ESRRB: variants seen among roughly 807,000 people sequenced by gnomAD.
ESRRB encodes the protein estrogen related receptor beta, also known as steroid hormone receptor ERR2.
A neutral mutation model predicts 46.0 loss-of-function variants in ESRRB; 16 were observed. The ratio of observed to expected loss-of-function variants is 0.35; its 90% CI spans 0.24 to 0.53. ESRRB has a LOEUF of 0.53. Among genes scored for constraint, ESRRB ranks in the 20% least tolerant of loss-of-function variants. The pLI is 0.93. For synonymous variants in ESRRB, 246 were observed against 259.6 expected, an observed-to-expected ratio of 0.95 and a Z score of 0.50; for missense variants, 488 against 607.4, an observed-to-expected ratio of 0.80 and a Z score of 2.07.
intron 3 of ESRRB, among the ~76,000 whole-genome samples, chr14:76,473,695 A>G (rs558522327): frequency 1.1e-4 from 16 of 152,334 alleles, no homozygotes; most frequent in African/African-American, 3.6e-4. Context: ...AGAAGAAAGG[A>G]GGGAGGTGGA....
chr14:76,487,273 G>A (rs1366887341), intron 5 of ESRRB, among the ~76,000 whole-genome samples: 1 of 152,170 alleles, frequency 6.6e-6, no homozygotes, highest in Admixed American at 6.5e-5. Context: ...GGTGAGTGCT[G>A]TTATGATTTC....
chr14:76,452,699 T>C (rs1314023496), intron 2 of ESRRB, among the ~76,000 whole-genome samples: 1 of 151,402 alleles, frequency 6.6e-6, no homozygotes, highest in Non-Finnish European at 1.5e-5. Context: ...GACTGGATTG[T>C]GGATGCTAAG....
rs1328355609 is a variant in ESRRB, at chr14:76,500,657, A to G, written c.*2199A>G. On this transcript the variant is annotated 3_prime_UTR_variant, in exon 7 of 7. Transcript: ENST00000644823. ...AGCTGGAGGACCCAGGCGGCAGGGC[A>G]TCATGCCCAGCTGGCATCTGCTGTC... 5 of 1,613,224 alleles carry G rather than the reference A, an allele frequency of 3.1e-6. No homozygotes were observed. Among genetic ancestry groups the G allele is most frequent in the South Asian group, 2.2e-5 (2 of 91,078 alleles).
intron 1 of ESRRB, among the ~76,000 whole-genome samples, chr14:76,337,124 C>T (rs911216997): frequency 6.6e-5 from 10 of 151,922 alleles, no homozygotes; most frequent in South Asian, 2.1e-4. Context: ...GCTGGCGTGG[C>T]GTGGATGAGG....
chr14:76,396,171 C>CAAACAAAAACAA (rs36207641), intron 1 of ESRRB, among the ~76,000 whole-genome samples: 2 of 150,832 alleles, frequency 1.3e-5, no homozygotes, highest in African/African-American at 4.9e-5. Context: ...GACTCCGTAT[C>CAAACAAAAACAA]AAACAAAAAC....
intron 2 of ESRRB, among the ~76,000 whole-genome samples, chr14:76,441,801 G>T (rs1273598096): frequency 6.6e-6 from 1 of 152,194 alleles, no homozygotes; most frequent in Admixed American, 6.5e-5. Context: ...CACAGAAACT[G>T]CAGACCAGAC....
At chr14:76,469,944 CTTTTTTTTTTTTTTT>C (rs1178018542) in intron 3 of ESRRB, among the ~76,000 whole-genome samples, 87 of 73,076 alleles carry the variant, frequency 1.2e-3, no homozygotes, top group African/African-American at 4.0e-3. Context: ...TTTTTTTTTT[CTTTTTTTTTTTTTTT>C]TTTTTTGAGA....
At chr14:76,421,335 C>T (rs1886944335) in intron 1 of ESRRB, among the ~76,000 whole-genome samples, 2 of 152,168 alleles carry the variant, frequency 1.3e-5, no homozygotes, top group Non-Finnish European at 2.9e-5. Flanking sequence ...TGGGGCCCAC[C>T]TGACAATGTC....
chr14:76,485,648 AGAGAGAGAG>A (rs1889983826), intron 5 of ESRRB, among the ~76,000 whole-genome samples: 1 of 151,636 alleles, frequency 6.6e-6, no homozygotes, highest in Non-Finnish European at 1.5e-5. Context: ...AGAGAGAGAG[AGAGAGAGAG>A]AGAAAGAAAG....
chr14:76,466,534 G>T (rs751289710), intron 3 of ESRRB, among the ~76,000 whole-genome samples: 25 of 152,040 alleles, frequency 1.6e-4, no homozygotes, highest in Admixed American at 4.6e-4. Flanking sequence ...AACATCCAGA[G>T]CAGACCATGG....
rs754937579 is a variant in ESRRB at position 76,498,392 on chromosome 14, C to A, written c.1299C>A (p.Ser433Arg). 2 of 1,613,460 alleles carry A rather than the reference C, an allele frequency of 1.2e-6. No individual in the cohort carries two copies. Among genetic ancestry groups the A allele is most frequent in the Non-Finnish European group, 1.7e-6 (2 of 1,179,942 alleles). ...TAAKAVQHFY[S>R]VKLQGKVPMH... ...CCAAGGCCGTGCAGCACTTCTATAG[C>A]GTCAAACTGCAGGGCAAAGTGCCCA... Residue 433 changes from serine (S) to arginine (R), a missense_variant, in exon 7 of 7, where the codon AGC (serine) becomes AGA (arginine). By Grantham distance (110) the Ser-to-Arg change is moderately radical. Transcript: ENST00000644823.
intron 2 of ESRRB, among the ~76,000 whole-genome samples, chr14:76,455,969 T>C (rs1789740715): frequency 6.6e-6 from 1 of 150,784 alleles, no homozygotes; most frequent in Admixed American, 6.6e-5. Context: ...CTTGAACCCG[T>C]GAGGCGGAGG....
At chr14:76,324,050 G>C (rs1883898917) in intron 1 of ESRRB, among the ~76,000 whole-genome samples, 1 of 152,196 alleles carries the variant, frequency 6.6e-6, no homozygotes, top group Non-Finnish European at 1.5e-5. Flanking sequence ...TTAGGTCGGA[G>C]TCTCCAGGGG....
Position 76,482,235 on chromosome 14 carries a change from G to A in ESRRB, c.688+109G>A, listed in dbSNP as rs1459372416. 1.2e-6 allele frequency: 1 copy of A among 860,072 alleles called. No individual in the cohort carries two copies. Among genetic ancestry groups the A allele is most frequent in the African/African-American group, 1.7e-5 (1 of 60,172 alleles). 53.3% of individuals were successfully genotyped at this position (860,072 alleles called of 1,614,324 possible). On this transcript the variant is annotated intron_variant, in intron 4 of 6. Coordinates refer to ENST00000644823, the MANE Select transcript of ESRRB (RefSeq NM_001379180.1). This position sits in a 1 kb window ranked among gnomAD's most constrained non-coding sequence, Gnocchi z 4.3. ...CACCACTGGGTCATGAGACAATGTG[G>A]ATCTTGGGGAGGTGACATCAGTGCC...
chr14:76,361,561 G>A (rs1884464597), intron 1 of ESRRB, among the ~76,000 whole-genome samples: 1 of 152,206 alleles, frequency 6.6e-6, no homozygotes, highest in African/African-American at 2.4e-5. Context: ...ATGTGTAGGA[G>A]AAGGGAAGAT....
intron 1 of ESRRB, among the ~76,000 whole-genome samples, chr14:76,399,813 G>A (rs1435789972): frequency 3.3e-5 from 5 of 152,260 alleles, no homozygotes; most frequent in Middle Eastern, 3.4e-3. Flanking sequence ...TATAAATACC[G>A]GTTGGTCACA....
chr14:76,312,582 C>T (rs756960504), intron 1 of ESRRB, among the ~76,000 whole-genome samples: 6 of 150,838 alleles, frequency 4.0e-5, no homozygotes, highest in African/African-American at 7.3e-5. Flanking sequence ...CTAGTATAGA[C>T]GGTGAAGTCT....
intron 1 of ESRRB, among the ~76,000 whole-genome samples, chr14:76,344,847 CA>C (rs563442204): frequency 0.016 from 1,869 of 114,760 alleles, 29 homozygotes; most frequent in African/African-American, 0.045. Context: ...GACTCCATCT[CA>C]AAAAAAAAAA....
At chr14:76,378,813 G>T (rs2139795104) in intron 1 of ESRRB, among the ~76,000 whole-genome samples, 1 of 152,306 alleles carries the variant, frequency 6.6e-6, no homozygotes, top group South Asian at 2.1e-4. Context: ...TAGAGCCATG[G>T]GTAGTAAAGT....
Sources: allele counts gnomAD v4.1 joint callset (sites outside exome capture counted in the v4.1 genomes callset), GRCh38; gene constraint gnomAD v4.1.1; non-coding constraint Gnocchi (gnomAD v3.1); transcripts MANE v1.5; gene names NCBI Gene and HGNC (gene_info 2026-07-23, HGNC 2026-07-21).